TPRG1: variants seen among roughly 807,000 people sequenced by gnomAD.
TPRG1 encodes the protein tumor protein p63-regulated gene 1 protein.
Under a neutral mutation model 29.3 loss-of-function variants are expected in TPRG1, and 29 were observed. The observed-to-expected ratio is 0.99, with a 90% CI of 0.74 to 1.35. The LOEUF (loss-of-function observed/expected upper bound fraction) is 1.35. Among genes scored for constraint, TPRG1 ranks in the 40% most tolerant of loss-of-function variants. The pLI is 0.00. For missense variants in TPRG1, 327 were observed against 335.0 expected (o/e 0.98, Z 0.19); for synonymous variants, 130 against 116.8 (o/e 1.11, Z -0.73).
chr3:189,158,481 C>T (rs1450055387), intron 5 of TPRG1, among the ~76,000 whole-genome samples: 7 of 151,904 alleles, frequency 4.6e-5, no homozygotes, highest in Admixed American at 6.6e-5. Flanking sequence ...TGGTGGCTTG[C>T]GGCTGTAATC....
intron 4 of TPRG1, among the ~76,000 whole-genome samples, chr3:189,276,113 A>G (rs557503022): frequency 1.3e-5 from 2 of 152,236 alleles, no homozygotes; most frequent in Non-Finnish European, 1.5e-5. Context: ...TAACACAAGG[A>G]ACACTGAGAG....
At chr3:189,018,447 A>G (rs1232447697) in intron 3 of TPRG1, among the ~76,000 whole-genome samples, 1 of 138,598 alleles carries the variant, frequency 7.2e-6, no homozygotes, top group African/African-American at 2.6e-5. Context: ...CTTTCTACAT[A>G]TGGCCAGCCA....
chr3:189,123,433 C>T (rs1343110673), intron 1 of TPRG1: 3 of 152,090 alleles, frequency 2.0e-5, no homozygotes, highest in Non-Finnish European at 4.4e-5. Flanking sequence ...GAAGCTCCGG[C>T]AGAATGTGTA....
intron 4 of TPRG1, among the ~76,000 whole-genome samples, chr3:189,047,364 C>T (rs1334536844): frequency 6.6e-6 from 1 of 152,074 alleles, no homozygotes; most frequent in Admixed American, 6.6e-5. Flanking sequence ...AAGGTACATA[C>T]CTTAATTAAA....
At chr3:189,195,506 A>G (rs1222209204) in intron 1 of TPRG1, among the ~76,000 whole-genome samples, 3 of 152,192 alleles carry the variant, frequency 2.0e-5, no homozygotes, top group Non-Finnish European at 4.4e-5. Context: ...AAGGAGAGCC[A>G]TGACTACTCA....
At position 189,184,394 on chromosome 3, in the gene TPRG1, G is replaced by A. The variant is rs375325582; in HGVS notation, c.-10+12263G>A. On this transcript the variant is annotated intron_variant, in intron 1 of 5. Transcript: ENST00000345063. ...GTATCAAGTGTAAAAGGCAGTTTAC[G>A]AAACAACACTGATAGCATAACTCCA... Among the ~76,000 whole-genome samples, 36 of 152,246 alleles carry A rather than the reference G, an allele frequency of 2.4e-4. 1 individual carries two copies. The South Asian group carries it at 2.5e-3, about 11-fold the overall frequency.
chr3:189,094,156 CCTAAA>C (rs1718521970), intron 4 of TPRG1, among the ~76,000 whole-genome samples: 1 of 152,020 alleles, frequency 6.6e-6, no homozygotes, highest in Admixed American at 6.5e-5. Flanking sequence ...TCAGATGAGT[CCTAAA>C]CAGAGATATT....
chr3:189,171,437 G>A (rs928016726), upstream of TPRG1, among the ~76,000 whole-genome samples: 1 of 152,228 alleles, frequency 6.6e-6, no homozygotes, highest in African/African-American at 2.4e-5. Flanking sequence ...GAGAGAATAA[G>A]ATGTAGCATT....
intron 4 of TPRG1, among the ~76,000 whole-genome samples, chr3:189,046,957 C>T (rs998361009): frequency 5.3e-5 from 8 of 152,054 alleles, no homozygotes; most frequent in African/African-American, 1.4e-4. Context: ...TCTCACTGAA[C>T]GCAGAGGGGA....
At chr3:189,006,120 C>T (rs73890940) in intron 3 of TPRG1, among the ~76,000 whole-genome samples, 6,949 of 152,074 alleles carry the variant, frequency 0.046, 513 homozygotes, top group African/African-American at 0.16. Flanking sequence ...GGTAAAACTA[C>T]GAAGCGTATT....
intron 4 of TPRG1, among the ~76,000 whole-genome samples, chr3:189,269,997 CTA>C (rs1714800071): frequency 6.6e-6 from 1 of 151,254 alleles, no homozygotes; most frequent in Admixed American, 6.6e-5. Context: ...CTGACGTTGG[CTA>C]TCTTTTCTCT....
chr3:189,158,920 T>G (rs956948190), intron 5 of TPRG1, among the ~76,000 whole-genome samples: 1 of 151,566 alleles, frequency 6.6e-6, no homozygotes, highest in African/African-American at 2.4e-5. Context: ...TCATCAAGTT[T>G]TTTTTTTGTT....
At chr3:189,143,656 C>G (rs1016494664) in intron 3 of TPRG1, among the ~76,000 whole-genome samples, 4 of 152,202 alleles carry the variant, frequency 2.6e-5, no homozygotes, top group African/African-American at 9.6e-5. Context: ...CTAGACACCT[C>G]TTTGTAATCC....
At chr3:189,219,488 T>C (rs1736600971) in intron 3 of TPRG1, 1 of 808,742 alleles carries the variant, frequency 1.2e-6, no homozygotes, top group Non-Finnish European at 1.7e-6. Context: ...CACCTTGCAG[T>C]TTCCTATTAC....
At chr3:189,131,479 T>C (rs922102437) in intron 2 of TPRG1, among the ~76,000 whole-genome samples, 1 of 152,166 alleles carries the variant, frequency 6.6e-6, no homozygotes, top group Non-Finnish European at 1.5e-5. Context: ...AACAAGACCA[T>C]GTAGATAGCA....
At chr3:189,077,686 C>G (rs1055058949) in intron 4 of TPRG1, among the ~76,000 whole-genome samples, 2 of 152,126 alleles carry the variant, frequency 1.3e-5, no homozygotes, top group African/African-American at 4.8e-5. Flanking sequence ...TTAATCCAGT[C>G]AGAGATTGTA....
chr3:189,217,978 A>T, intron 3 of TPRG1: 1 of 985,442 alleles, frequency 1.0e-6, no homozygotes, highest in Non-Finnish European at 1.2e-6. Context: ...ACTAAAGAAA[A>T]TAAACAAACA....
upstream of TPRG1, among the ~76,000 whole-genome samples, chr3:189,168,867 A>G (rs1426417465): frequency 1.3e-5 from 2 of 152,170 alleles, no homozygotes; most frequent in East Asian, 1.9e-4. Flanking sequence ...ATGATCCACT[A>G]TGAGGGAGAC....
chr3:189,101,548 G>A (rs13323500), intron 1 of TPRG1, among the ~76,000 whole-genome samples: 6,941 of 152,076 alleles, frequency 0.046, 247 homozygotes, highest in Non-Finnish European at 0.065. Flanking sequence ...AACACAATTT[G>A]CAATTCTCCT....
Sources: gnomAD v4.1 joint callset for allele counts (sites outside exome capture counted in the v4.1 genomes callset) on GRCh38, gnomAD v4.1.1 for gene constraint, MANE v1.5 for transcripts, NCBI Gene and HGNC (gene_info 2026-07-23, HGNC 2026-07-21) for gene names.